The following STX3 variants were observed in gnomAD, a reference collection of about 807,000 sequenced individuals.
STX3 encodes the protein syntaxin-3.
Under a neutral mutation model 40.2 loss-of-function variants are expected in STX3, and 19 were observed. The ratio of observed to expected loss-of-function variants is 0.47; its 90% CI spans 0.33 to 0.69. STX3 has a LOEUF of 0.69. STX3 is among the 30% of genes least tolerant of loss of function. The probability of loss-of-function intolerance (pLI) is 0.02; values close to 1 mark genes in which losing one functional copy is unlikely to be tolerated. For missense variants in STX3, 364 were observed against 366.7 expected (o/e 0.99, Z 0.06); for synonymous variants, 122 against 132.2 (o/e 0.92, Z 0.53).
At position 59,789,638 on chromosome 11, in the gene STX3, G is replaced by A. The variant is rs113125956; in HGVS notation, c.289+691G>A. On this transcript the variant is annotated intron_variant, in intron 4 of 10. Coordinates refer to ENST00000337979, the MANE Select transcript of STX3 (RefSeq NM_004177.5). ...GTATTTTTAGTAGAGACGAGGTTTC[G>A]CCATGTTGGCCAGGCTGGTCTCGAA... is the stretch of plus-strand genomic sequence containing the variant. Among the ~76,000 whole-genome samples, 764 of 152,048 alleles carry A rather than the reference G, an allele frequency of 5.0e-3. 3 individuals are homozygous for A. Among genetic ancestry groups the A allele is most frequent in the African/African-American group, 7.0e-3 (292 of 41,448 alleles).
At chr11:59,754,386 G>A (rs1354012715), upstream of STX3, 5 of 152,332 alleles carry the variant, frequency 3.3e-5, no homozygotes, top group Non-Finnish European at 7.3e-5. Flanking sequence ...TTTTTAACCT[G>A]AAAGCACAGA....
At chr11:59,757,485 C>T (rs1308371465) in intron 1 of STX3, among the ~76,000 whole-genome samples, 1 of 152,150 alleles carries the variant, frequency 6.6e-6, no homozygotes, top group African/African-American at 2.4e-5. Flanking sequence ...ATTTAATTTG[C>T]CTGGGGACGC....
At chr11:59,781,100 T>TTTTTTTTTTTTTTTTTTTTTATATA (rs963410109) in intron 2 of STX3, among the ~76,000 whole-genome samples, 8 of 146,298 alleles carry the variant, frequency 5.5e-5, no homozygotes, top group Non-Finnish European at 6.0e-5. Flanking sequence ...TTTTTTTTTT[T>TTTTTTTTTTTTTTTTTTTTTATATA]TATATTAGCA....
chr11:59,771,237 G>GAACTTAGTGAGACCCCCGTCCCTA (rs1554996149), intron 1 of STX3, among the ~76,000 whole-genome samples: 1 of 152,112 alleles, frequency 6.6e-6, no homozygotes, highest in African/African-American at 2.4e-5. Context: ...CCAGCTTGGG[G>GAACTTAGTGAGACCCCCGTCCCTA]CCTGGTGGTG....
At chr11:59,792,488 C>T (rs910633948) in intron 6 of STX3, among the ~76,000 whole-genome samples, 1 of 152,132 alleles carries the variant, frequency 6.6e-6, no homozygotes, top group Non-Finnish European at 1.5e-5. Flanking sequence ...CTTGTGGACT[C>T]ATTGTATCAT....
Position 59,803,379 on chromosome 11 carries a change from T to A in STX3, c.*2555T>A. The A allele has an allele frequency of 1.1e-6, 1 of 892,934 alleles. No individual in the cohort carries two copies. Among genetic ancestry groups the A allele is most frequent in the Non-Finnish European group, 1.5e-6 (1 of 679,184 alleles). The allele number at this position is 892,934 out of a possible 1,614,324, so 55.3% of individuals were successfully genotyped here. On this transcript the variant is annotated 3_prime_UTR_variant, in exon 11 of 11. Transcript: ENST00000337979. ...TGTCTTGGGGGCACTCTAGGTGCCTTAATCTGGGTGGGATTAGGTGCTAAT... is the reference window on the plus strand; with the variant it reads ...TGTCTTGGGGGCACTCTAGGTGCCTAAATCTGGGTGGGATTAGGTGCTAAT...
At position 59,764,423 on chromosome 11, in the gene STX3, A is replaced by G. The variant is rs547693890; in HGVS notation, c.30+8788A>G. On this transcript the variant is annotated intron_variant, in intron 1 of 10. Transcript: ENST00000337979. ...CACAAATGAAGAAACTGAGGCACAGAGAAGTTAAGTAATCTGTTTAAGACC... is the reference window on the plus strand; with the variant it reads ...CACAAATGAAGAAACTGAGGCACAGGGAAGTTAAGTAATCTGTTTAAGACC... Among the ~76,000 whole-genome samples the G allele has an allele frequency of 8.1e-4, 124 of 152,358 alleles. 1 individual carries two copies. In the South Asian group the frequency reaches 0.025, roughly 31 times the overall value.
chr11:59,772,096 C>T (rs1590769792), intron 1 of STX3, among the ~76,000 whole-genome samples: 1 of 152,216 alleles, frequency 6.6e-6, no homozygotes, highest in East Asian at 1.9e-4. Context: ...AAAGAGGCTT[C>T]TGGTGGCATT....
At chr11:59,800,532 G>A (rs1865828046) in intron 10 of STX3, 2 of 985,262 alleles carry the variant, frequency 2.0e-6, no homozygotes, top group African/African-American at 1.7e-5. Context: ...CTGTCTTCAG[G>A]AGCGGTGTTG....
intron 1 of STX3, among the ~76,000 whole-genome samples, chr11:59,756,234 C>T (rs1208995337): frequency 6.6e-6 from 1 of 152,168 alleles, no homozygotes; most frequent in Non-Finnish European, 1.5e-5. Flanking sequence ...TAGACTACCT[C>T]CAGCCTTGGC....
intron 8 of STX3, among the ~76,000 whole-genome samples, chr11:59,794,870 C>T (rs1156589703): frequency 2.0e-5 from 3 of 152,300 alleles, no homozygotes; most frequent in African/African-American, 7.2e-5. Flanking sequence ...TGTTCCCCAC[C>T]TCAGATAGTT....
At chr11:59,773,188 C>G (rs1415401478) in intron 1 of STX3, 23 bp from the exon 2 acceptor site, 11 of 1,612,548 alleles carry the variant, frequency 6.8e-6, no homozygotes, top group Non-Finnish European at 9.3e-6. Context: ...TAGCCTCACT[C>G]TGCTCTTTTT....
intron 1 of STX3, among the ~76,000 whole-genome samples, chr11:59,759,232 C>A (rs1862900027): frequency 1.3e-5 from 2 of 152,176 alleles, no homozygotes. Context: ...TCTCATTCTG[C>A]AAGTGAGTGA....
chr11:59,795,058 A>G (rs920751476), intron 8 of STX3, among the ~76,000 whole-genome samples: 1 of 152,252 alleles, frequency 6.6e-6, no homozygotes, highest in South Asian at 2.1e-4. Context: ...GTGTAAAAAA[A>G]ATAACAAAGG....
intron 1 of STX3, among the ~76,000 whole-genome samples, chr11:59,756,482 G>T (rs1034353215): frequency 6.6e-6 from 1 of 152,160 alleles, no homozygotes; most frequent in African/African-American, 2.4e-5. Context: ...AGATTCAGTG[G>T]CACAGGTTCT....
At chr11:59,773,397 C>A in intron 2 of STX3, 103 bp downstream of exon 2, 1 of 1,212,038 alleles carries the variant, frequency 8.3e-7, no homozygotes, top group Non-Finnish European at 1.2e-6. Context: ...AGAGGAAGGT[C>A]ACAGTTTTTT....
At chr11:59,756,692 C>T (rs1862734570) in intron 1 of STX3, among the ~76,000 whole-genome samples, 1 of 152,148 alleles carries the variant, frequency 6.6e-6, no homozygotes, top group South Asian at 2.1e-4. Flanking sequence ...GGGGTTGTCT[C>T]CTGGCTCCAC....
intron 10 of STX3, chr11:59,800,241 A>G (rs771173533): frequency 3.0e-6 from 3 of 985,364 alleles, no homozygotes; most frequent in Non-Finnish European, 3.6e-6. Context: ...CATGTCACCC[A>G]AGGGAGAGAG....
intron 8 of STX3, 70 bp from the exon 9 acceptor site, chr11:59,795,302 T>A (rs1175593035): frequency 7.8e-7 from 1 of 1,276,466 alleles, no homozygotes; most frequent in Non-Finnish European, 1.1e-6. Context: ...AGAAAGAGAA[T>A]CCCTTCCCCG....
Sources: gnomAD v4.1 joint callset for allele counts (sites outside exome capture counted in the v4.1 genomes callset) on GRCh38, gnomAD v4.1.1 for gene constraint, MANE v1.5 for transcripts, NCBI Gene and HGNC (gene_info 2026-07-23, HGNC 2026-07-21) for gene names.